NEBL: variants seen among roughly 807,000 people sequenced by gnomAD.
NEBL encodes LIM and SH3 protein 2.
In NEBL, 122 loss-of-function variants were observed where a neutral mutation model predicts 140.2. That is an observed-to-expected ratio of 0.87 (90% CI 0.75 to 1.01). NEBL has a LOEUF of 1.01. Among genes scored for constraint, NEBL ranks in the 50% least tolerant of loss-of-function variants. NEBL has a pLI of 0.00. For synonymous variants in NEBL, 436 were observed against 398.9 expected (o/e 1.09, Z -1.11); for missense variants, 1,365 against 1,231.3 (o/e 1.11, Z -1.62).
rs1033107073 is a variant in NEBL at position 21,091,832 on chromosome 10, A to G, written c.165-71631T>C. 2.6e-5 allele frequency among the ~76,000 whole-genome samples: 4 copies of G among 152,270 alleles called. No homozygotes were observed. In the South Asian group the frequency reaches 8.3e-4, roughly 32 times the overall value. ...TTTTTTGTAGAAATGGAGTCTTGCT[A>G]TCTTACCCTGGCTGATCTTGAACTC... On this transcript the variant is annotated intron_variant, in intron 2 of 6. Coordinates refer to the NEBL transcript ENST00000417816.
intron 2 of NEBL, among the ~76,000 whole-genome samples, chr10:21,023,263 A>G (rs1204022986): frequency 2.0e-5 from 3 of 152,176 alleles, no homozygotes; most frequent in Non-Finnish European, 4.4e-5. Flanking sequence ...CATTTTTTAA[A>G]CTGTAATTAG....
chr10:21,193,085 C>T (rs187761949), intron 3 of NEBL, among the ~76,000 whole-genome samples: 98 of 152,196 alleles, frequency 6.4e-4, no homozygotes, highest in Admixed American at 4.3e-3. Flanking sequence ...GAGGGAAGAG[C>T]GTGTTCAAAT....
chr10:21,007,509 C>T (rs2131731094), intron 3 of NEBL, among the ~76,000 whole-genome samples: 1 of 152,286 alleles, frequency 6.6e-6, no homozygotes, highest in Admixed American at 6.5e-5. Flanking sequence ...AAGACTCTTG[C>T]TTTTTATGAA....
intron 2 of NEBL, chr10:21,126,176 A>C: frequency 6.5e-7 from 1 of 1,542,684 alleles, no homozygotes; most frequent in Non-Finnish European, 8.8e-7. Flanking sequence ...CCCCCATAGA[A>C]AGGAAAAAAA....
At chr10:21,152,618 A>T (rs1331916465) in intron 2 of NEBL, among the ~76,000 whole-genome samples, 1 of 152,156 alleles carries the variant, frequency 6.6e-6, no homozygotes, top group Non-Finnish European at 1.5e-5. Context: ...AAAGCCAAAA[A>T]GAAACAGGAA....
intron 4 of NEBL, among the ~76,000 whole-genome samples, chr10:20,915,920 G>A (rs184247102): frequency 3.3e-5 from 5 of 152,264 alleles, no homozygotes; most frequent in South Asian, 2.1e-4. Flanking sequence ...GGTATTCAAC[G>A]AACATTCTAT....
chr10:21,094,476 T>C (rs1037844708), intron 2 of NEBL, among the ~76,000 whole-genome samples: 2 of 118,752 alleles, frequency 1.7e-5, no homozygotes, highest in East Asian at 5.5e-4. Flanking sequence ...CACTCCAGCC[T>C]GGGAGACAGC....
chr10:21,169,879 G>T (rs1840998839), intron 2 of NEBL, among the ~76,000 whole-genome samples: 2 of 152,096 alleles, frequency 1.3e-5, no homozygotes, highest in African/African-American at 2.4e-5. Context: ...ATTCTATACA[G>T]GTATGTTGAG....
chr10:21,230,993 G>T lies in NEBL; in HGVS notation n.348+16928C>A, dbSNP rs543853410. On this transcript the variant is annotated intron_variant and non_coding_transcript_variant, in intron 3 of 8. Coordinates refer to the NEBL transcript ENST00000675702. Reference sequence around the variant, plus strand: ...TTAAACTGAAAGCTATTAAAATTCTGCTTTACTGTATGTCTTCCGTCCAAA... The same window carrying T: ...TTAAACTGAAAGCTATTAAAATTCTTCTTTACTGTATGTCTTCCGTCCAAA... 3.4e-4 allele frequency among the ~76,000 whole-genome samples: 52 copies of T among 152,290 alleles called. 2 individuals are homozygous for T. In the South Asian group the frequency reaches 9.3e-3, roughly 27 times the overall value.
At chr10:20,861,674 T>G (rs1843714100) in intron 7 of NEBL, among the ~76,000 whole-genome samples, 1 of 152,222 alleles carries the variant, frequency 6.6e-6, no homozygotes. Flanking sequence ...ATGGTAAAAG[T>G]AGGTTATATG....
upstream of NEBL, among the ~76,000 whole-genome samples, chr10:21,179,105 T>C (rs1370401929): frequency 1.3e-5 from 2 of 152,120 alleles, no homozygotes; most frequent in African/African-American, 2.4e-5. Context: ...AATGAAACTG[T>C]CCCTATAAAC....
intron 4 of NEBL, among the ~76,000 whole-genome samples, chr10:20,935,942 T>A (rs1239836013): frequency 1.3e-5 from 2 of 152,102 alleles, no homozygotes; most frequent in Non-Finnish European, 2.9e-5. Context: ...AGATATTATA[T>A]CTAAAACTGT....
At chr10:20,796,367 G>GAAC (rs1836529734) in intron 26 of NEBL, among the ~76,000 whole-genome samples, 2 of 51,500 alleles carry the variant, frequency 3.9e-5, no homozygotes, top group Non-Finnish European at 7.4e-5. Flanking sequence ...TCTAAAACAA[G>GAAC]AAAAAAAAAA....
intron 2 of NEBL, among the ~76,000 whole-genome samples, chr10:21,099,856 C>T (rs1284727763): frequency 6.6e-6 from 1 of 152,210 alleles, no homozygotes; most frequent in African/African-American, 2.4e-5. Context: ...CAAGATATTA[C>T]AGTCACTGAA....
chr10:20,788,924 A>G (rs891440013), intron 26 of NEBL, among the ~76,000 whole-genome samples: 4 of 152,330 alleles, frequency 2.6e-5, no homozygotes, highest in African/African-American at 9.6e-5. Flanking sequence ...CTCTGCTCTC[A>G]GCAAATATTT....
intron 3 of NEBL, among the ~76,000 whole-genome samples, chr10:21,204,255 A>G (rs1471554468): frequency 6.6e-6 from 1 of 152,182 alleles, no homozygotes; most frequent in Non-Finnish European, 1.5e-5. Context: ...GTCTTCTGTT[A>G]TGGACTGAAC....
chr10:20,980,518 T>C (rs1289525617), intron 3 of NEBL, among the ~76,000 whole-genome samples: 3 of 152,220 alleles, frequency 2.0e-5, no homozygotes, highest in Non-Finnish European at 2.9e-5. Context: ...GTTAAGGTCA[T>C]GTACATATAT....
chr10:21,107,381 C>A (rs142345889), intron 2 of NEBL, among the ~76,000 whole-genome samples: 247 of 152,180 alleles, frequency 1.6e-3, no homozygotes, highest in African/African-American at 5.3e-3. Flanking sequence ...GCATGAAGAC[C>A]TGTTGAATTT....
chr10:20,926,594 A>G (rs1833924916), intron 4 of NEBL, among the ~76,000 whole-genome samples: 2 of 152,194 alleles, frequency 1.3e-5, no homozygotes, highest in South Asian at 4.1e-4. Flanking sequence ...ATATTACTAT[A>G]GGACTTATGC....
Sources: gnomAD v4.1 joint callset for allele counts (sites outside exome capture counted in the v4.1 genomes callset) on GRCh38, gnomAD v4.1.1 for gene constraint, MANE v1.5 for transcripts, NCBI Gene and HGNC (gene_info 2026-07-23, HGNC 2026-07-21) for gene names.